Variants in NKAIN3 observed in about 807,000 individuals in gnomAD.
The protein encoded by NKAIN3 is sodium/potassium transporting ATPase interacting 3, also known as sodium/potassium-transporting ATPase subunit beta-1-interacting protein 3.
In NKAIN3, 25 loss-of-function variants were observed where a neutral mutation model predicts 30.2. The ratio of observed to expected loss-of-function variants is 0.83; its 90% CI spans 0.60 to 1.16. The LOEUF (loss-of-function observed/expected upper bound fraction) is 1.16. Among genes scored for constraint, NKAIN3 ranks in the 50% most tolerant of loss-of-function variants. NKAIN3 has a pLI of 0.00. For synonymous variants in NKAIN3, 91 were observed against 89.6 expected, an observed-to-expected ratio of 1.02 and a Z score of -0.09; for missense variants, 225 against 254.1, an observed-to-expected ratio of 0.89 and a Z score of 0.78.
rs200890801 is a variant in NKAIN3, at chr8:62,964,813, A to T, written c.604-541A>T. Among the ~76,000 whole-genome samples the T allele has an allele frequency of 4.6e-4, 46 of 100,582 alleles. No homozygotes were observed. In the South Asian group the frequency reaches 5.9e-3, roughly 13 times the overall value. The allele number at this position is 100,582 out of a possible 152,430, so 66.0% of individuals were successfully genotyped here. The stretch of plus-strand genomic sequence containing the variant: ...AATCACTTTTCAAAATAAAAAATTT[A>T]AAAAAAAACACCTTTACAGCGAGAG... On this transcript the variant is annotated intron_variant, in intron 6 of 6. Transcript: ENST00000623646.
chr8:62,804,176 C>T (rs1200271623), intron 4 of NKAIN3, among the ~76,000 whole-genome samples: 7 of 152,226 alleles, frequency 4.6e-5, no homozygotes, highest in African/African-American at 1.7e-4. Flanking sequence ...CAGAATTCTA[C>T]CAGAGGTACA....
chr8:62,943,957 T>C (rs115650743), intron 5 of NKAIN3, among the ~76,000 whole-genome samples: 1,883 of 151,884 alleles, frequency 0.012, 43 homozygotes, highest in African/African-American at 0.044. Flanking sequence ...GGAGCTAAGC[T>C]ATGAGGACTC....
At chr8:62,943,058 T>C (rs1322050761) in intron 5 of NKAIN3, among the ~76,000 whole-genome samples, 1 of 152,126 alleles carries the variant, frequency 6.6e-6, no homozygotes, top group Non-Finnish European at 1.5e-5. Flanking sequence ...ACTAAAAAGT[T>C]TCTTCACAGC....
chr8:62,989,099 G>C (rs372595157), downstream of NKAIN3, among the ~76,000 whole-genome samples: 220 of 152,260 alleles, frequency 1.4e-3, no homozygotes, highest in African/African-American at 4.9e-3. Flanking sequence ...ATCATCCATA[G>C]CACTATGAGC....
intron 1 of NKAIN3, among the ~76,000 whole-genome samples, chr8:62,427,446 G>A (rs1183139983): frequency 6.6e-6 from 1 of 151,948 alleles, no homozygotes; most frequent in African/African-American, 2.4e-5. Context: ...CTCACATGAA[G>A]TGTAGTTAAT....
chr8:62,367,635 C>T (rs978428276), intron 1 of NKAIN3, among the ~76,000 whole-genome samples: 1 of 152,104 alleles, frequency 6.6e-6, no homozygotes, highest in East Asian at 1.9e-4. Context: ...AATATTTATG[C>T]TCAATGGTGA....
chr8:62,283,588 A>G (rs1156729968), intron 1 of NKAIN3, among the ~76,000 whole-genome samples: 1 of 152,106 alleles, frequency 6.6e-6, no homozygotes, highest in African/African-American at 2.4e-5. Context: ...GTTATATACC[A>G]TATTTTTTCT....
chr8:62,585,659 A>C (rs868455210), intron 2 of NKAIN3, among the ~76,000 whole-genome samples: 4 of 152,142 alleles, frequency 2.6e-5, no homozygotes, highest in African/African-American at 9.7e-5. Flanking sequence ...ATGAGAATCT[A>C]ATGCCACGCT....
At chr8:62,752,839 G>T (rs1816329929) in intron 4 of NKAIN3, among the ~76,000 whole-genome samples, 1 of 151,922 alleles carries the variant, frequency 6.6e-6, no homozygotes, top group Admixed American at 6.6e-5. Flanking sequence ...ATTTAATGAG[G>T]CTATGTCTTG....
At chr8:62,495,880 C>G (rs1807222496) in intron 1 of NKAIN3, among the ~76,000 whole-genome samples, 1 of 152,144 alleles carries the variant, frequency 6.6e-6, no homozygotes, top group South Asian at 2.1e-4. Flanking sequence ...CAAGCTCTTT[C>G]TTTCCCACTG....
At chr8:62,596,620 A>G (rs1810844385) in intron 3 of NKAIN3, among the ~76,000 whole-genome samples, 1 of 152,036 alleles carries the variant, frequency 6.6e-6, no homozygotes, top group South Asian at 2.1e-4. Context: ...AGTGAGGGCT[A>G]TTAGTTCTGC....
chr8:62,922,459 T>C (rs943175465), intron 5 of NKAIN3, among the ~76,000 whole-genome samples: 1 of 152,174 alleles, frequency 6.6e-6, no homozygotes, highest in Non-Finnish European at 1.5e-5. Context: ...CAACTTATAA[T>C]GTATGGAAGC....
chr8:62,791,878 T>C (rs1817709889), intron 4 of NKAIN3, among the ~76,000 whole-genome samples: 2 of 152,130 alleles, frequency 1.3e-5, no homozygotes, highest in South Asian at 4.1e-4. Context: ...TGCTGATTGT[T>C]CTGTCTTTCT....
intron 1 of NKAIN3, among the ~76,000 whole-genome samples, chr8:62,546,440 A>G (rs1052200853): frequency 6.6e-6 from 1 of 152,204 alleles, no homozygotes; most frequent in African/African-American, 2.4e-5. Flanking sequence ...TGGTAGGAAG[A>G]GGTGGCATGT....
intron 3 of NKAIN3, among the ~76,000 whole-genome samples, chr8:62,631,131 T>G (rs1811945811): frequency 6.6e-6 from 1 of 152,110 alleles, no homozygotes; most frequent in African/African-American, 2.4e-5. Flanking sequence ...CGCTGTCAGG[T>G]TCCTTCTTAC....
chr8:62,512,180 G>T (rs1807834074), intron 1 of NKAIN3, among the ~76,000 whole-genome samples: 1 of 152,082 alleles, frequency 6.6e-6, no homozygotes, highest in African/African-American at 2.4e-5. Context: ...TTTTATCTAT[G>T]AAGATTGCTA....
chr8:62,267,985 T>A (rs752169454), intron 1 of NKAIN3, among the ~76,000 whole-genome samples: 1 of 152,228 alleles, frequency 6.6e-6, no homozygotes, highest in Non-Finnish European at 1.5e-5. Context: ...TTGAAAATTT[T>A]AAAAAATCTA....
chr8:62,679,768 A>T (rs1050337222), intron 3 of NKAIN3, among the ~76,000 whole-genome samples: 7 of 152,148 alleles, frequency 4.6e-5, no homozygotes, highest in African/African-American at 1.4e-4. Context: ...GTGGTGTTAA[A>T]CCATTCATGA....
intron 3 of NKAIN3, among the ~76,000 whole-genome samples, chr8:62,598,027 T>A (rs1810883486): frequency 1.3e-5 from 2 of 152,192 alleles, no homozygotes; most frequent in Admixed American, 1.3e-4. Flanking sequence ...CCTTATGAAC[T>A]AGTCATCACG....
Sources: allele counts gnomAD v4.1 joint callset (sites outside exome capture counted in the v4.1 genomes callset), GRCh38; gene constraint gnomAD v4.1.1; transcripts MANE v1.5; gene names NCBI Gene and HGNC (gene_info 2026-07-23, HGNC 2026-07-21).